The following PRMT7 variants were observed in gnomAD, a reference collection of about 807,000 sequenced individuals.
PRMT7 encodes the protein protein arginine N-methyltransferase 7.
A neutral mutation model predicts 85.4 loss-of-function variants in PRMT7; 75 were observed. The ratio of observed to expected loss-of-function variants is 0.88; its 90% CI spans 0.73 to 1.06. The LOEUF (loss-of-function observed/expected upper bound fraction) is 1.06. Among genes scored for constraint, PRMT7 ranks in the 50% least tolerant of loss-of-function variants. PRMT7 has a pLI of 0.00. For missense variants in PRMT7, 868 were observed against 915.2 expected (o/e 0.95, Z 0.67); for synonymous variants, 397 against 359.5 (o/e 1.10, Z -1.18).
intron 14 of PRMT7, among the ~76,000 whole-genome samples, chr16:68,349,069 T>A (rs1017724610): frequency 2.0e-5 from 3 of 152,130 alleles, no homozygotes; most frequent in African/African-American, 7.2e-5. Context: ...GTCCACGGCT[T>A]CCTGCTGCAG....
chr16:68,346,625 A>T (rs1480531479), intron 11 of PRMT7, among the ~76,000 whole-genome samples: 12 of 151,656 alleles, frequency 7.9e-5, no homozygotes, highest in Admixed American at 7.9e-4. Context: ...CTAAGATGTA[A>T]ATCTGATCAT....
chr16:68,316,203 C>T, intron 3 of PRMT7, 129 bp downstream of exon 3: 5 of 767,604 alleles, frequency 6.5e-6, no homozygotes, highest in Non-Finnish European at 1.1e-5. Flanking sequence ...GGTGTTGGTC[C>T]TGAGCAGGTC....
chr16:68,353,789 C>T (rs2087806349), intron 16 of PRMT7, among the ~76,000 whole-genome samples: 1 of 152,210 alleles, frequency 6.6e-6, no homozygotes, highest in Non-Finnish European at 1.5e-5. Context: ...CACGTCCTGT[C>T]ATTGCAACTG....
intron 5 of PRMT7, among the ~76,000 whole-genome samples, chr16:68,325,466 G>T (rs559414554): frequency 2.0e-5 from 3 of 151,852 alleles, no homozygotes; most frequent in Non-Finnish European, 4.4e-5. Context: ...ACTCCAGCCT[G>T]GGTGACAGAG....
chr16:68,356,041 G>A (rs1206551604), intron 17 of PRMT7, among the ~76,000 whole-genome samples, 158 bp downstream of exon 17: 1 of 152,190 alleles, frequency 6.6e-6, no homozygotes, highest in Non-Finnish European at 1.5e-5. Context: ...GTGGCCCTGC[G>A]CGTGTGGTGG....
chr16:68,344,937 C>CACACACACACACACACACACAT lies in PRMT7; in HGVS notation c.928-718_928-717insATACACACACACACACACACAC, dbSNP rs1191679229. Reference sequence around the variant, plus strand: ...CTGCCTCCCTTCCTGCATCTCTACACACACACACACACACACACACGGGCA... The same window carrying CACACACACACACACACACACAT: ...CTGCCTCCCTTCCTGCATCTCTACACACACACACACACACACACACATACACACACACACACACACACGGGCA... On this transcript the variant is annotated intron_variant, in intron 9 of 18. Transcript: ENST00000441236. 3.6e-5 allele frequency among the ~76,000 whole-genome samples: 5 copies of CACACACACACACACACACACAT among 140,286 alleles called. 1 individual carries two copies. In the East Asian group the frequency reaches 6.8e-4, roughly 19 times the overall value. 92.0% of individuals were successfully genotyped at this position (140,286 alleles called of 152,430 possible).
At chr16:68,349,287 A>G (rs565228527) in intron 14 of PRMT7, among the ~76,000 whole-genome samples, 6 of 151,632 alleles carry the variant, frequency 4.0e-5, no homozygotes, top group South Asian at 2.1e-4. Context: ...CGCTTCCCCT[A>G]CTGCATCCTC....
At chr16:68,319,436 G>T (rs752775107) in intron 3 of PRMT7, among the ~76,000 whole-genome samples, 1 of 152,010 alleles carries the variant, frequency 6.6e-6, no homozygotes, top group Admixed American at 6.6e-5. Flanking sequence ...GGTGGTTACC[G>T]AGAGTGATGT....
At chr16:68,320,151 T>C (rs1356803639) in intron 3 of PRMT7, among the ~76,000 whole-genome samples, 1 of 152,110 alleles carries the variant, frequency 6.6e-6, no homozygotes, top group African/African-American at 2.4e-5. Flanking sequence ...ATTAGGCAGA[T>C]TGAGTCTGAG....
chr16:68,322,284 A>T (rs7203220), intron 4 of PRMT7: 2 of 329,040 alleles, frequency 6.1e-6, no homozygotes, highest in East Asian at 1.0e-4. Context: ...ACTGCAGCCT[A>T]GACTTCTTGG....
Position 68,316,008 on chromosome 16 carries a change from C to A in PRMT7, c.29C>A (p.Pro10Gln). 6.2e-7 allele frequency: 1 copy of A among 1,613,698 alleles called. No homozygotes were observed. The highest frequency in any genetic ancestry group is 8.5e-7 in the Non-Finnish European group (1 of 1,179,940). ...AAGATCTTCTGCAGTCGGGCCAATC[C>A]GACCACGGGGTCTGTGGAGTGGCTG... MKIFCSRAN[P>Q]TTGSVEWLEE... Residue 10 changes from proline to glutamine, a missense_variant, in exon 3 of 19, where the codon CCG becomes CAG. Physicochemically the swap from Pro to Gln is moderately conservative, Grantham distance 76. Coordinates refer to ENST00000441236, the MANE Select transcript of PRMT7 (RefSeq NM_019023.5).
intron 17 of PRMT7, 104 bp downstream of exon 17, chr16:68,355,987 AG>A: frequency 5.6e-6 from 7 of 1,254,006 alleles, no homozygotes; most frequent in Non-Finnish European, 7.4e-6. Flanking sequence ...TGACACGTGG[AG>A]GGGGTATTCG....
downstream of PRMT7, chr16:68,359,077 A>C (rs1469967851): frequency 6.6e-6 from 1 of 151,540 alleles, no homozygotes; most frequent in African/African-American, 2.4e-5. Context: ...TGCAGCCCTG[A>C]CTCCCACGCC....
At chr16:68,323,346 G>A (rs896490293) in intron 4 of PRMT7, among the ~76,000 whole-genome samples, 1 of 151,522 alleles carries the variant, frequency 6.6e-6, no homozygotes, top group Admixed American at 6.6e-5. Flanking sequence ...AGCCTCCCAA[G>A]TAGCTGGGGT....
At chr16:68,351,056 C>T (rs969256991) in intron 14 of PRMT7, among the ~76,000 whole-genome samples, 5 of 152,190 alleles carry the variant, frequency 3.3e-5, no homozygotes, top group African/African-American at 1.2e-4. Flanking sequence ...TTTTCTCCCT[C>T]ATAGATGAGG....
chr16:68,349,440 A>G (rs544403761), intron 14 of PRMT7, among the ~76,000 whole-genome samples: 3 of 152,106 alleles, frequency 2.0e-5, no homozygotes, highest in South Asian at 2.1e-4. Context: ...GACTCACCCA[A>G]CGCGGAGCTA....
intron 1 of PRMT7, chr16:68,311,477 C>T (rs2043671271): frequency 5.7e-6 from 1 of 176,242 alleles, no homozygotes; most frequent in Admixed American, 5.8e-5. Context: ...GTATTCACTA[C>T]ACGCCAACCA....
In PRMT7 at chr16:68,355,537, TG is replaced by T. The variant is rs891692872; in HGVS notation, c.1651-182del. The T allele has an allele frequency of 9.6e-6, 5 of 521,496 alleles. No homozygotes were observed. In the African/African-American group the frequency reaches 9.8e-5, roughly 10 times the overall value. 32.3% of individuals were successfully genotyped at this position (521,496 alleles called of 1,614,324 possible). A position where few individuals can be genotyped will look rare whatever the true frequency, so the allele number is the denominator to read the frequency against. ...AGCGAGGCTCAGAGCCAGCGGTGCC[TG>T]GGGAGCCACTGATGAGAGAGAAGTG... On this transcript the variant is annotated intron_variant, in intron 16 of 18. Transcript: ENST00000441236.
chr16:68,323,048 G>A (rs940821283), intron 4 of PRMT7, among the ~76,000 whole-genome samples: 2 of 151,850 alleles, frequency 1.3e-5, no homozygotes, highest in Admixed American at 1.3e-4. Flanking sequence ...AAAAATTGTG[G>A]TAAAAACACA....
Sources: allele counts gnomAD v4.1 joint callset (sites outside exome capture counted in the v4.1 genomes callset), GRCh38; gene constraint gnomAD v4.1.1; transcripts MANE v1.5; gene names NCBI Gene and HGNC (gene_info 2026-07-23, HGNC 2026-07-21).